Variants in FAM8A1 observed in about 807,000 individuals in gnomAD.
The protein encoded by FAM8A1 is family with sequence similarity 8 member A1.
A neutral mutation model predicts 38.3 loss-of-function variants in FAM8A1; 18 were observed. The ratio of observed to expected loss-of-function variants is 0.47; its 90% confidence interval spans 0.33 to 0.70. The LOEUF is 0.70. Ranked by LOEUF, FAM8A1 falls within the 30% of genes least tolerant of loss-of-function variation. The probability of loss-of-function intolerance (pLI) is 0.03; values close to 1 mark genes in which losing one functional copy is unlikely to be tolerated. For synonymous variants in FAM8A1, 246 were observed against 234.4 expected (o/e 1.05, Z -0.45); for missense variants, 559 against 559.6 (o/e 1.00, Z 0.01).
chr6:17,602,337 G>C lies in FAM8A1; in HGVS notation c.713-253G>C, dbSNP rs577400809. ...CAGACGTGAGTCACTGCACCTGGCC[G>C]TGTGAAATCAATTTTTAAACGTTAA... is the stretch of plus-strand genomic sequence containing the variant. On this transcript the variant is annotated intron_variant, in intron 1 of 4. Coordinates refer to ENST00000259963, the MANE Select transcript of FAM8A1 (RefSeq NM_016255.3). Among the ~76,000 whole-genome samples the C allele has an allele frequency of 2.0e-5, 3 of 152,136 alleles. No homozygotes were observed. The East Asian group carries it at 5.8e-4, about 29-fold the overall frequency.
At chr6:17,603,163 T>A (rs1378142801) in intron 2 of FAM8A1, among the ~76,000 whole-genome samples, 1 of 152,238 alleles carries the variant, frequency 6.6e-6, no homozygotes, top group Non-Finnish European at 1.5e-5. Context: ...CAAGTGAACT[T>A]CAAAGTGAGA....
intron 3 of FAM8A1, 115 bp from the exon 4 acceptor site, chr6:17,605,759 A>T: frequency 9.8e-7 from 1 of 1,024,542 alleles, no homozygotes; most frequent in Non-Finnish European, 1.4e-6. Flanking sequence ...TGAGTATTCT[A>T]TGCAATTCTT....
rs1452969572 is a variant in FAM8A1, at chr6:17,604,925, A to G, written c.853A>G (p.Met285Val). ...GTGTAGGGATATCTCTAAGTTTGCT[A>G]TGCATTATATAATAGAAGAAATAGA... ...SGIKDISKFA[M>V]HYIIEEIDED... The change falls in exon 3 of 5, where the codon ATG becomes GTG. Residue 285 changes from methionine to valine, a missense_variant. Around this residue, in one of 2 missense-constraint regions of FAM8A1, gnomAD observed 166 missense variants for 220.8 expected, o/e 0.75. Coordinates refer to ENST00000259963, the MANE Select transcript of FAM8A1 (RefSeq NM_016255.3). 36 of 1,594,718 alleles carry G rather than the reference A, an allele frequency of 2.3e-5. No individual in the cohort carries two copies. The highest frequency in any genetic ancestry group is 2.7e-5 in the Non-Finnish European group (32 of 1,169,690).
At chr6:17,606,157 A>G (rs1165839665) in intron 4 of FAM8A1, 144 bp downstream of exon 4, 5 of 515,010 alleles carry the variant, frequency 9.7e-6, no homozygotes, top group East Asian at 3.6e-5. Context: ...GTTGTGTTAC[A>G]TGATTGTAGA....
rs1002305694 is a variant in FAM8A1 at position 17,600,888 on chromosome 6, A to G, written c.479A>G (p.Gln160Arg). The G allele has an allele frequency of 6.3e-7, 1 of 1,598,018 alleles. No homozygotes were observed. The highest frequency in any genetic ancestry group is 8.5e-7 in the Non-Finnish European group (1 of 1,175,148). Reference sequence around the variant, plus strand: ...CCTTCGGGCGGCGCTGCAGTCCCCCAGGCCGCGGCGCCGCCGCCCCCGCAG... The same window carrying G: ...CCTTCGGGCGGCGCTGCAGTCCCCCGGGCCGCGGCGCCGCCGCCCCCGCAG... ...SFPSGGAAVP[Q>R]AAAPPPPQLG... Residue 160 changes from glutamine to arginine, a missense_variant, in exon 1 of 5, where the codon CAG becomes CGG. Transcript: ENST00000259963.
At chr6:17,607,439 A>G (rs1764069749) in intron 4 of FAM8A1, among the ~76,000 whole-genome samples, 1 of 151,850 alleles carries the variant, frequency 6.6e-6, no homozygotes, top group African/African-American at 2.4e-5. Context: ...ATCTATATCT[A>G]TAGTATCATA....
intron 3 of FAM8A1, 86 bp downstream of exon 3, chr6:17,605,115 C>T (rs1450838483): frequency 4.7e-6 from 6 of 1,265,686 alleles, no homozygotes; most frequent in South Asian, 1.2e-5. Flanking sequence ...GAGTCTCGCT[C>T]TGTCACCCAG....
intron 2 of FAM8A1, among the ~76,000 whole-genome samples, chr6:17,604,570 A>G (rs1764027611): frequency 1.3e-5 from 2 of 152,152 alleles, no homozygotes; most frequent in Non-Finnish European, 2.9e-5. Flanking sequence ...ATGTTTCCAT[A>G]GTATCCTAGG....
At chr6:17,601,218 C>T in intron 1 of FAM8A1, 97 bp downstream of exon 1, 2 of 1,436,968 alleles carry the variant, frequency 1.4e-6, no homozygotes, top group Non-Finnish European at 1.9e-6. Context: ...ACTGCTGCTT[C>T]TACTCTGATT....
chr6:17,604,833 C>T, intron 2 of FAM8A1, 73 bp from the exon 3 acceptor site: 2 of 1,215,582 alleles, frequency 1.6e-6, no homozygotes, highest in Middle Eastern at 4.1e-4. Context: ...ATGACTTGCA[C>T]TAATGAAAAA....
intron 4 of FAM8A1, among the ~76,000 whole-genome samples, chr6:17,606,260 GCA>G (rs1764052274): frequency 6.6e-6 from 1 of 150,438 alleles, no homozygotes; most frequent in Admixed American, 6.6e-5. Flanking sequence ...GAGTGCAGTG[GCA>G]CAGTCTCGGC....
In FAM8A1 at chr6:17,602,704, G is replaced by T; in HGVS notation, c.827G>T (p.Gly276Val). 6.2e-7 allele frequency: 1 copy of T among 1,601,602 alleles called. No homozygotes were observed. The highest frequency in any genetic ancestry group is 8.5e-7 in the Non-Finnish European group (1 of 1,176,648). The change falls in exon 2 of 5, where the codon GGG becomes GTG. Residue 276 changes from glycine (G) to valine (V), a missense_variant. Physicochemically the swap from Gly to Val is moderately radical, Grantham distance 109 (BLOSUM62 -3). Around this residue, in one of 2 missense-constraint regions of FAM8A1, gnomAD observed 166 missense variants for 220.8 expected, o/e 0.75. Transcript: ENST00000259963. The part of the protein sequence containing the change: ...TIVLSIMHLS[G>V]IKDISKFAMH... ...GTCTTAAGCATTATGCACCTCAGTG[G>T]GATAAAGTAAGTTGAGGACATTTGC...
In FAM8A1 at chr6:17,600,793, C is replaced by T; in HGVS notation, c.384C>T (p.Tyr128=). ...HEWLWQSYCG[Y]LTWHSGLAAF... ...GGCTGTGGCAGTCCTACTGCGGCTA[C>T]CTCACCTGGCACAGCGGCCTGGCCG... The change falls in exon 1 of 5, where the codon TAC becomes TAT. Residue 128 remains tyrosine, a synonymous_variant. Transcript: ENST00000259963. 1 of 1,611,264 alleles carries T rather than the reference C, an allele frequency of 6.2e-7. No homozygotes were observed.
rs771505494 is a variant in FAM8A1 at position 17,602,631 on chromosome 6, G to A, written c.754G>A (p.Ala252Thr). ...TCCATCCTTGGCCCACAGATTTATG[G>A]CAGAGATGGTGGATTTCTTTATTCT... ...VIPSLAHRFM[A>T]EMVDFFILFF... Residue 252 changes from alanine to threonine, a missense_variant, in exon 2 of 5, where the codon GCA becomes ACA. Coordinates refer to ENST00000259963, the MANE Select transcript of FAM8A1 (RefSeq NM_016255.3). The A allele has an allele frequency of 3.1e-6, 5 of 1,612,676 alleles. No individual in the cohort carries two copies. In the African/African-American group the frequency reaches 5.4e-5, roughly 17 times the overall value.
chr6:17,608,112 C>T, intron 4 of FAM8A1, 83 bp from the exon 5 acceptor site: 2 of 1,407,684 alleles, frequency 1.4e-6, no homozygotes, highest in Non-Finnish European at 2.0e-6. Context: ...TTTTAAATGT[C>T]TATTTTGAAC....
At chr6:17,602,738 T>G (rs777225143) in intron 2 of FAM8A1, 28 bp downstream of exon 2, 1 of 1,598,972 alleles carries the variant, frequency 6.3e-7, no homozygotes, top group African/African-American at 1.3e-5. Context: ...GCAGAAGGGT[T>G]TTAATTTCTA....
intron 3 of FAM8A1, among the ~76,000 whole-genome samples, chr6:17,605,406 C>T (rs955250899): frequency 1.3e-5 from 2 of 152,108 alleles, no homozygotes; most frequent in Non-Finnish European, 2.9e-5. Context: ...ATTATCAGCC[C>T]AAGACGAAAA....
Position 17,608,183 on chromosome 6 carries a change from T to C in FAM8A1, c.1098-12T>C. ...GTGTAACTTACCTGATATTTTTGTT[T>C]TAACTTTTTAGGTCCACTATCCGAG... On this transcript the variant is annotated splice_polypyrimidine_tract_variant and intron_variant, in intron 4 of 4. Transcript: ENST00000259963. 1.9e-6 allele frequency: 3 copies of C among 1,612,932 alleles called. No homozygotes were observed. The highest frequency in any genetic ancestry group is 2.5e-6 in the Non-Finnish European group (3 of 1,179,590).
chr6:17,611,527 C>G lies in FAM8A1; in HGVS notation c.*3188C>G, dbSNP rs1264275338. On this transcript the variant is annotated 3_prime_UTR_variant, in exon 5 of 5. Coordinates refer to ENST00000259963, the MANE Select transcript of FAM8A1 (RefSeq NM_016255.3). The stretch of plus-strand genomic sequence containing the variant: ...CAGTACCACAGGCCACTCTTGACAT[C>G]CCATGTTTGCCTGGATAAAGTTCCT... 1.3e-5 allele frequency: 2 copies of G among 152,618 alleles called. No homozygotes were observed. The highest frequency in any genetic ancestry group is 4.8e-5 in the African/African-American group (2 of 41,450). The allele number at this position is 152,618 out of a possible 1,614,324, so 9.5% of individuals were successfully genotyped here.
Sources: allele counts gnomAD v4.1 joint callset (sites outside exome capture counted in the v4.1 genomes callset), GRCh38; gene constraint gnomAD v4.1.1; regional missense constraint gnomAD v4.1.1; transcripts MANE v1.5; gene names NCBI Gene and HGNC (gene_info 2026-07-23, HGNC 2026-07-21).